LRRC72: variants seen among roughly 807,000 people sequenced by gnomAD.
The protein encoded by LRRC72 is leucine rich repeat containing 72, also known as leucine-rich repeat-containing protein 72.
In LRRC72, 41 loss-of-function variants were observed where a neutral mutation model predicts 35.8. The observed-to-expected ratio is 1.15, with a 90% confidence interval of 0.89 to 1.49. LRRC72 has a LOEUF of 1.49. Among genes scored for constraint, LRRC72 ranks in the 40% most tolerant of loss-of-function variants. LRRC72 has a pLI of 0.00. For synonymous variants in LRRC72, 118 were observed against 119.2 expected, an observed-to-expected ratio of 0.99 and a Z score of 0.07; for missense variants, 389 against 330.7, an observed-to-expected ratio of 1.18 and a Z score of -1.37.
At chr7:16,532,960 A>C (rs780818908) in intron 2 of LRRC72, 3 of 234,846 alleles carry the variant, frequency 1.3e-5, no homozygotes, top group African/African-American at 2.3e-5. Context: ...TAGTTGGAAA[A>C]TTCACTGTTT....
Position 16,557,379 on chromosome 7 carries a change from TA to T in LRRC72, c.256del (p.Thr86LeufsTer6). ...HHNKLHGITF[L>X]TRNYCLTELY... Reference sequence around the variant, plus strand: ...TTTTAGCTCCATGGAATAACATTTCTAACTAGAAACTATTGTCTGACAGAAC... The same window carrying T: ...TTTTAGCTCCATGGAATAACATTTCTACTAGAAACTATTGTCTGACAGAAC... On this transcript the variant is annotated frameshift_variant, in exon 4 of 9. Transcript: ENST00000401542. LOFTEE classifies it high-confidence loss of function. 1 of 1,321,814 alleles carries T rather than the reference TA, an allele frequency of 7.6e-7. No individual in the cohort carries two copies. Among genetic ancestry groups the T allele is most frequent in the Non-Finnish European group, 1.0e-6 (1 of 1,004,842 alleles). 81.9% of individuals were successfully genotyped at this position (1,321,814 alleles called of 1,614,324 possible).
intron 3 of LRRC72, among the ~76,000 whole-genome samples, chr7:16,542,636 C>T (rs1782376876): frequency 6.6e-6 from 1 of 152,182 alleles, no homozygotes; most frequent in Non-Finnish European, 1.5e-5. Flanking sequence ...CCTGATAAGC[C>T]TTTCCAAAGA....
At chr7:16,548,821 A>G (rs1157462263) in intron 3 of LRRC72, among the ~76,000 whole-genome samples, 2 of 152,240 alleles carry the variant, frequency 1.3e-5, no homozygotes, top group Non-Finnish European at 2.9e-5. Context: ...CAGCTGGTGA[A>G]GCAATACCCC....
At position 16,526,970 on chromosome 7, in the gene LRRC72, C is replaced by G. The variant is rs1304360937; in HGVS notation, c.18C>G (p.Asn6Lys). 6.5e-7 allele frequency: 1 copy of G among 1,539,894 alleles called. No individual in the cohort carries two copies. The highest frequency in any genetic ancestry group is 8.7e-7 in the Non-Finnish European group (1 of 1,146,924). MSWDPNPVPRTLRCWR... is the reference protein window; with the variant it reads MSWDPKPVPRTLRCWR... ...GTGTCCTGATGTCCTGGGACCCGAA[C>G]CCCGTGCCCCGTACCTTGCGATGCT... is the stretch of plus-strand genomic sequence containing the variant. Residue 6 changes from asparagine (N) to lysine (K), a missense_variant, in exon 1 of 9, where the codon AAC (asparagine) becomes AAG (lysine). Physicochemically the swap from Asn to Lys is moderately conservative, Grantham distance 94 (BLOSUM62 0). Transcript: ENST00000401542.
chr7:16,558,323 A>G (rs929650305), intron 4 of LRRC72, among the ~76,000 whole-genome samples: 1 of 152,194 alleles, frequency 6.6e-6, no homozygotes, highest in Non-Finnish European at 1.5e-5. Context: ...TAAAAAGTAA[A>G]ACAGGCCGGG....
intron 1 of LRRC72, among the ~76,000 whole-genome samples, chr7:16,529,659 AC>A (rs146412567): frequency 0.086 from 13,094 of 152,134 alleles, 634 homozygotes; most frequent in East Asian, 0.15. Context: ...AATATTTTGT[AC>A]TGGATTCATG....
chr7:16,536,247 C>A (rs1782255476), intron 2 of LRRC72, among the ~76,000 whole-genome samples: 1 of 151,808 alleles, frequency 6.6e-6, no homozygotes, highest in South Asian at 2.1e-4. Context: ...TTATACCACC[C>A]CAAAATGCAA....
At chr7:16,558,335 G>A (rs1243626420) in intron 4 of LRRC72, among the ~76,000 whole-genome samples, 10 of 152,304 alleles carry the variant, frequency 6.6e-5, no homozygotes, top group Admixed American at 5.2e-4. Flanking sequence ...CAGGCCGGGC[G>A]CGGTGGCTCA....
At chr7:16,568,844 T>A (rs572474871) in intron 7 of LRRC72, among the ~76,000 whole-genome samples, 1 of 152,194 alleles carries the variant, frequency 6.6e-6, no homozygotes, top group South Asian at 2.1e-4. Flanking sequence ...ATCGTGGAAG[T>A]CAAAAAACAG....
chr7:16,551,421 G>T (rs1280361894), intron 3 of LRRC72, among the ~76,000 whole-genome samples: 1 of 152,134 alleles, frequency 6.6e-6, no homozygotes, highest in East Asian at 1.9e-4. Context: ...ATTGAGTGAT[G>T]GTTGGCAGCT....
intron 1 of LRRC72, chr7:16,530,070 C>T (rs894254355): frequency 1.1e-4 from 16 of 151,776 alleles, no homozygotes; most frequent in African/African-American, 2.4e-4. Flanking sequence ...AATATGTTTT[C>T]GATATCTTTA....
At chr7:16,545,938 T>C (rs10277722) in intron 3 of LRRC72, among the ~76,000 whole-genome samples, 1 of 152,096 alleles carries the variant, frequency 6.6e-6, no homozygotes, top group African/African-American at 2.4e-5. Flanking sequence ...AAAGTCTGGA[T>C]TGGTTAAAAA....
Position 16,567,450 on chromosome 7 carries a change from A to G in LRRC72, c.577A>G (p.Ile193Val), listed in dbSNP as rs113921430. ...CATTTTTAACCATAAAAAGGCTCATATCGTTCAATCAATAGCATTCGGAGG... is the reference window on the plus strand; with the variant it reads ...CATTTTTAACCATAAAAAGGCTCATGTCGTTCAATCAATAGCATTCGGAGG... ...ITIFNHKKAH[I>V]VQSIAFGGKV... is the part of the protein sequence containing the mutation. The change falls in exon 7 of 9, where the codon ATC becomes GTC. Residue 193 changes from isoleucine (I) to valine (V), a missense_variant. Physicochemically the swap from Ile to Val is conservative, Grantham distance 29. Coordinates refer to ENST00000401542, the MANE Select transcript of LRRC72 (RefSeq NM_001195280.2). The G allele has an allele frequency of 2.6e-5, 40 of 1,532,114 alleles. No individual in the cohort carries two copies. In the African/African-American group the frequency reaches 2.9e-4, roughly 11 times the overall value. 94.9% of individuals were successfully genotyped at this position (1,532,114 alleles called of 1,614,324 possible). A position where few individuals can be genotyped will look rare whatever the true frequency, so the allele number is the denominator to read the frequency against.
At chr7:16,572,238 C>T (rs750097927) in intron 7 of LRRC72, among the ~76,000 whole-genome samples, 14 of 152,202 alleles carry the variant, frequency 9.2e-5, no homozygotes, top group Admixed American at 1.3e-4. Flanking sequence ...CAAAGAGGAG[C>T]TAGTACCATT....
At chr7:16,528,003 C>T (rs6974206) in intron 1 of LRRC72, among the ~76,000 whole-genome samples, 54,409 of 151,974 alleles carry the variant, frequency 0.36, 9,983 homozygotes, top group East Asian at 0.46. Flanking sequence ...TCTTTTTATT[C>T]TCCTTTTAGG....
intron 5 of LRRC72, among the ~76,000 whole-genome samples, chr7:16,562,864 C>T (rs1782766750): frequency 1.3e-5 from 2 of 152,312 alleles, no homozygotes; most frequent in Admixed American, 6.5e-5. Flanking sequence ...TCTGATCCCT[C>T]CTCTCTCGAT....
intron 7 of LRRC72, among the ~76,000 whole-genome samples, chr7:16,570,594 G>A (rs1301213001): frequency 6.6e-6 from 1 of 152,036 alleles, no homozygotes; most frequent in East Asian, 1.9e-4. Flanking sequence ...CTAGGTGGGC[G>A]GATCACCTGA....
Position 16,575,047 on chromosome 7 carries a change from G to C in LRRC72, c.671-5027G>C, listed in dbSNP as rs573789335. Among the ~76,000 whole-genome samples, 58 of 151,782 alleles carry C rather than the reference G, an allele frequency of 3.8e-4. No homozygotes were observed. In the Middle Eastern group the frequency reaches 0.01, roughly 27 times the overall value. The stretch of plus-strand genomic sequence containing the variant: ...GGACAATCGGTTGGACCCGGGAGTT[G>C]GAGGTTGCAGTGAGGTGAGATCGCA... On this transcript the variant is annotated intron_variant, in intron 7 of 8. Transcript: ENST00000401542.
rs563679057 is a variant in LRRC72 at position 16,559,263 on chromosome 7, G to A, written c.427+264G>A. Among the ~76,000 whole-genome samples the A allele has an allele frequency of 3.0e-4, 46 of 152,024 alleles. 1 individual carries two copies. The highest frequency in any genetic ancestry group is 2.8e-3 in the Admixed American group (42 of 15,266). On this transcript the variant is annotated intron_variant, in intron 5 of 8. Coordinates refer to ENST00000401542, the MANE Select transcript of LRRC72 (RefSeq NM_001195280.2). ...ACAAAAATTAGCCAGGCCTGGTGGC[G>A]TATGCCTGTAATCCCAGCTACTTGA... is the stretch of plus-strand genomic sequence containing the variant.
Sources: gnomAD v4.1 joint callset for allele counts (sites outside exome capture counted in the v4.1 genomes callset) on GRCh38, gnomAD v4.1.1 for gene constraint, MANE v1.5 for transcripts, NCBI Gene and HGNC (gene_info 2026-07-23, HGNC 2026-07-21) for gene names.